MRTFA: variants seen among roughly 807,000 people sequenced by gnomAD.
MRTFA encodes myocardin related transcription factor A, also known as myocardin-related transcription factor A.
A neutral mutation model predicts 83.5 loss-of-function variants in MRTFA; 20 were observed. The ratio of observed to expected loss-of-function variants is 0.24; its 90% CI spans 0.17 to 0.35. The LOEUF is 0.35. Ranked by LOEUF, MRTFA falls within the 10% of genes least tolerant of loss-of-function variation. The probability of loss-of-function intolerance (pLI) is 1.00; values close to 1 mark genes in which losing one functional copy is unlikely to be tolerated. For synonymous variants in MRTFA, 659 were observed against 541.2 expected (o/e 1.22, Z -3.02); for missense variants, 1,200 against 1,224.7 (o/e 0.98, Z 0.30).
intron 1 of MRTFA, among the ~76,000 whole-genome samples, chr22:40,635,027 A>T (rs2056679504): frequency 1.8e-5 from 1 of 54,562 alleles, no homozygotes; most frequent in South Asian, 5.4e-4. Flanking sequence ...GCTAAACTAC[A>T]GATATTTTTT....
intron 2 of MRTFA, among the ~76,000 whole-genome samples, chr22:40,554,784 C>A (rs189276333): frequency 3.3e-5 from 5 of 152,326 alleles, no homozygotes; most frequent in African/African-American, 1.2e-4. Flanking sequence ...TAAACTAGCA[C>A]CCACTGCTCT....
rs200155059 is a variant in MRTFA at position 40,420,956 on chromosome 22, A to G, written c.1072T>C (p.Ser358Pro). 6.2e-7 allele frequency: 1 copy of G among 1,613,930 alleles called. No homozygotes were observed. The highest frequency in any genetic ancestry group is 1.3e-5 in the African/African-American group (1 of 75,070). Reference sequence around the variant, plus strand: ...TGCTGCTGCAGGATCTTGGCGTAGGATGAGTCCATGGGGGGTGCCCCCCTG... The same window carrying G: ...TGCTGCTGCAGGATCTTGGCGTAGGGTGAGTCCATGGGGGGTGCCCCCCTG... Residue 358 changes from serine to proline, a missense_variant, in exon 10 of 15, where the codon TCC becomes CCC. Physicochemically the swap from Ser to Pro is moderately conservative, Grantham distance 74 (BLOSUM62 -1). This residue lies in a region of MRTFA where 1,107 missense variants were observed against 1,041.8 expected (regional missense o/e 1.06). Coordinates refer to ENST00000355630, the MANE Select transcript of MRTFA (RefSeq NM_020831.6).
At chr22:40,547,288 T>C (rs143773115) in intron 3 of MRTFA, among the ~76,000 whole-genome samples, 2,380 of 151,104 alleles carry the variant, frequency 0.016, 35 homozygotes, top group Middle Eastern at 0.027. Flanking sequence ...GAGGAGAAAA[T>C]AGACAATAAA....
At chr22:40,626,866 A>AACACACACACACACACACACACAC (rs141945541) in intron 1 of MRTFA, among the ~76,000 whole-genome samples, 4 of 145,128 alleles carry the variant, frequency 2.8e-5, no homozygotes, top group African/African-American at 7.7e-5. Context: ...CCCTGTCTCA[A>AACACACACACACACACACACACAC]ACACACACAC....
chr22:40,634,581 T>C (rs571802813), intron 1 of MRTFA, among the ~76,000 whole-genome samples: 58 of 152,328 alleles, frequency 3.8e-4, no homozygotes, highest in Middle Eastern at 3.4e-3. Flanking sequence ...CTGTCATTTT[T>C]TGCCTCTCCC....
intron 3 of MRTFA, among the ~76,000 whole-genome samples, chr22:40,483,550 T>TG (rs1163907410): frequency 6.6e-5 from 10 of 150,754 alleles, no homozygotes; most frequent in South Asian, 2.1e-4. Flanking sequence ...CCGGGTGTGG[T>TG]GGGGGGCGCC....
chr22:40,518,674 A>G (rs1332118651), intron 3 of MRTFA, among the ~76,000 whole-genome samples: 7 of 151,424 alleles, frequency 4.6e-5, no homozygotes, highest in Admixed American at 3.3e-4. Context: ...GGGCACCTGT[A>G]GTCCCGGCTT....
At chr22:40,577,796 GGGTT>G (rs2055889772) in intron 2 of MRTFA, among the ~76,000 whole-genome samples, 1 of 151,414 alleles carries the variant, frequency 6.6e-6, no homozygotes, top group Non-Finnish European at 1.5e-5. Flanking sequence ...AGTAGAGATG[GGGTT>G]TCTCCATGTT....
Position 40,611,125 on chromosome 22 carries a change from G to A in MRTFA, c.-83-16390C>T, listed in dbSNP as rs549742031. On this transcript the variant is annotated intron_variant, in intron 1 of 14. Transcript: ENST00000355630. Reference sequence around the variant, plus strand: ...GCCGATTTTTTGTATTTTTAGTAGAGAAGGGGTTTCAGCATGTTGGCCAGG... The same window carrying A: ...GCCGATTTTTTGTATTTTTAGTAGAAAAGGGGTTTCAGCATGTTGGCCAGG... 9.9e-5 allele frequency among the ~76,000 whole-genome samples: 15 copies of A among 152,118 alleles called. No homozygotes were observed. In the South Asian group the frequency reaches 2.9e-3, roughly 29 times the overall value.
At chr22:40,628,642 A>G (rs550943205) in intron 1 of MRTFA, among the ~76,000 whole-genome samples, 6 of 151,250 alleles carry the variant, frequency 4.0e-5, no homozygotes, top group Non-Finnish European at 8.9e-5. Flanking sequence ...CACAGAAGTA[A>G]AAATGTGGAA....
At chr22:40,632,540 A>T (rs554851311) in intron 1 of MRTFA, among the ~76,000 whole-genome samples, 3 of 152,130 alleles carry the variant, frequency 2.0e-5, no homozygotes, top group Admixed American at 2.0e-4. Flanking sequence ...GGTTCAAGTG[A>T]TTCTCATGCC....
At chr22:40,605,410 G>A (rs949275783) in intron 1 of MRTFA, among the ~76,000 whole-genome samples, 3 of 152,226 alleles carry the variant, frequency 2.0e-5, no homozygotes, top group Non-Finnish European at 2.9e-5. Flanking sequence ...AAGACCAACG[G>A]ATGACAGTGC....
At chr22:40,635,511 C>G (rs1240372987) in intron 1 of MRTFA, among the ~76,000 whole-genome samples, 2 of 152,198 alleles carry the variant, frequency 1.3e-5, no homozygotes, top group Non-Finnish European at 2.9e-5. Context: ...ATTCCACATT[C>G]CTGTATATAC....
intron 4 of MRTFA, among the ~76,000 whole-genome samples, chr22:40,459,830 C>CATATAT (rs55885079): frequency 0.086 from 7,475 of 86,562 alleles, 498 homozygotes; most frequent in South Asian, 0.13. Flanking sequence ...CACATATATA[C>CATATAT]ATATATATAT....
At chr22:40,492,601 C>T (rs1398330436) in intron 3 of MRTFA, among the ~76,000 whole-genome samples, 1 of 152,172 alleles carries the variant, frequency 6.6e-6, no homozygotes, top group African/African-American at 2.4e-5. Flanking sequence ...GACTAGGTTC[C>T]CTCTTCTCTC....
At chr22:40,483,471 G>A (rs1170424524) in intron 3 of MRTFA, among the ~76,000 whole-genome samples, 2 of 151,442 alleles carry the variant, frequency 1.3e-5, no homozygotes, top group Non-Finnish European at 2.9e-5. Flanking sequence ...GGATCACGAG[G>A]TCAGGAGATC....
chr22:40,591,311 A>G (rs1199378340), intron 2 of MRTFA, among the ~76,000 whole-genome samples: 1 of 152,092 alleles, frequency 6.6e-6, no homozygotes, highest in Admixed American at 6.5e-5. Flanking sequence ...TTTCAAAGAA[A>G]AAAATAACTT....
At chr22:40,586,904 T>G in intron 2 of MRTFA, 2 of 329,060 alleles carry the variant, frequency 6.1e-6, no homozygotes, top group South Asian at 4.1e-5. Flanking sequence ...GTGCTGCTGG[T>G]GCTGCTGGTG....
chr22:40,632,176 C>T (rs982983811), intron 1 of MRTFA, among the ~76,000 whole-genome samples: 4 of 152,208 alleles, frequency 2.6e-5, no homozygotes, highest in African/African-American at 4.8e-5. Flanking sequence ...ATTGAGATCT[C>T]CCACCAACAG....
Sources: gnomAD v4.1 joint callset for allele counts (sites outside exome capture counted in the v4.1 genomes callset) on GRCh38, gnomAD v4.1.1 for gene constraint, gnomAD v4.1.1 regional missense constraint, MANE v1.5 for transcripts, NCBI Gene and HGNC (gene_info 2026-07-23, HGNC 2026-07-21) for gene names.